Variants in ADGRE2 observed in about 807,000 individuals in gnomAD.
ADGRE2 encodes adhesion G protein-coupled receptor E2.
ADGRE2 carries 83 observed loss-of-function variants against 100.8 expected under a neutral mutation model. The ratio of observed to expected loss-of-function variants is 0.82; its 90% CI spans 0.69 to 0.99. ADGRE2 has a LOEUF of 0.99. ADGRE2 is among the 50% of genes least tolerant of loss of function. The pLI is 0.00. For missense variants in ADGRE2, 814 were observed against 1,035.7 expected, an observed-to-expected ratio of 0.79 and a Z score of 2.94; for synonymous variants, 355 against 413.0, an observed-to-expected ratio of 0.86 and a Z score of 1.70.
chr19:14,777,074 T>G (rs2044472884), intron 1 of ADGRE2, 147 bp from the exon 2 acceptor site: 2 of 1,209,856 alleles, frequency 1.7e-6, no homozygotes, highest in East Asian at 4.9e-5. Flanking sequence ...CTGCTGGAGT[T>G]TCCACCATGT....
intron 16 of ADGRE2, among the ~76,000 whole-genome samples, chr19:14,749,272 C>T (rs1197855433): frequency 2.1e-5 from 3 of 143,474 alleles, no homozygotes; most frequent in African/African-American, 7.6e-5. Context: ...ATTAAGGAAG[C>T]ATATAATTAT....
downstream of ADGRE2, chr19:14,731,393 T>G (rs1370521456): frequency 8.5e-6 from 5 of 587,400 alleles, no homozygotes; most frequent in African/African-American, 1.9e-5. Context: ...CTTAGTCACA[T>G]ACTTCTGGCT....
chr19:14,743,918 T>G (rs143963164), intron 18 of ADGRE2, 134 bp from the exon 19 acceptor site: 2 of 846,830 alleles, frequency 2.4e-6, no homozygotes, highest in Non-Finnish European at 3.6e-6. Flanking sequence ...AGCTTAGATA[T>G]TTACTGTCAA....
chr19:14,764,526 T>G lies in ADGRE2; in HGVS notation c.991A>C (p.Ser331Arg). The change falls in exon 11 of 21, where the codon AGT becomes CGT. Residue 331 changes from serine (S) to arginine (R), a missense_variant. Coordinates refer to ENST00000315576, the MANE Select transcript of ADGRE2 (RefSeq NM_013447.4). ...LPRLQQHCVASHLLDGLEDVL... is the reference protein window; with the variant it reads ...LPRLQQHCVARHLLDGLEDVL... The stretch of plus-strand genomic sequence containing the variant: ...TCCTCTAGGCCATCCAGCAGGTGAC[T>G]GGCCACACAGTGCTGCTGTAAGCGG... 1 of 1,613,092 alleles carries G rather than the reference T, an allele frequency of 6.2e-7. No homozygotes were observed. The highest frequency in any genetic ancestry group is 8.5e-7 in the Non-Finnish European group (1 of 1,179,980).
chr19:14,749,133 T>C (rs2043181632), intron 16 of ADGRE2, among the ~76,000 whole-genome samples: 1 of 150,080 alleles, frequency 6.7e-6, no homozygotes, highest in African/African-American at 2.4e-5. Context: ...AACCATATAA[T>C]ATTCCCCAGG....
At chr19:14,746,660 G>T (rs532321201) in intron 17 of ADGRE2, among the ~76,000 whole-genome samples, 1 of 152,266 alleles carries the variant, frequency 6.6e-6, no homozygotes, top group East Asian at 1.9e-4. Context: ...ACCACACCGG[G>T]CCTGAAGCCC....
At chr19:14,757,276 A>G (rs2043534227) in intron 11 of ADGRE2, among the ~76,000 whole-genome samples, 1 of 152,192 alleles carries the variant, frequency 6.6e-6, no homozygotes. Flanking sequence ...AAGACTTTCT[A>G]TTGTTAAGAT....
chr19:14,777,230 G>T, intron 1 of ADGRE2: 1 of 341,540 alleles, frequency 2.9e-6, no homozygotes, highest in Non-Finnish European at 4.1e-6. Context: ...AAATAGCTCT[G>T]GGCTCCCACT....
rs749648162 is a variant in ADGRE2, at chr19:14,766,301, G to A, written c.568C>T (p.Arg190Cys). 16 of 1,613,940 alleles carry A rather than the reference G, an allele frequency of 9.9e-6. No individual in the cohort carries two copies. The highest frequency in any genetic ancestry group is 2.7e-5 in the African/African-American group (2 of 74,902). Reference protein sequence around the residue: ...CLNNVGSYQCRCRPGWQPIPG... With the variant: ...CLNNVGSYQCCCRPGWQPIPG... ...ATCGGTTGCCAGCCCGGGCGGCAGC[G>A]GCACTGATAGCTGCCCACGTTGTTG... is the stretch of plus-strand genomic sequence containing the variant. Residue 190 changes from arginine to cysteine, a missense_variant, in exon 7 of 21, where the codon CGC (arginine) becomes TGC (cysteine). Physicochemically the swap from Arg to Cys is radical, Grantham distance 180. This residue lies in a region of ADGRE2 where 69 missense variants were observed against 75.3 expected (regional missense o/e 0.92). Transcript: ENST00000315576.
chr19:14,757,038 C>T (rs1054012069), intron 11 of ADGRE2, among the ~76,000 whole-genome samples: 11 of 151,916 alleles, frequency 7.2e-5, no homozygotes, highest in Non-Finnish European at 1.3e-4. Flanking sequence ...AAGTAGCTGG[C>T]ACTACAGGTG....
intron 14 of ADGRE2, among the ~76,000 whole-genome samples, chr19:14,753,052 G>C (rs1358037841): frequency 6.6e-6 from 1 of 150,826 alleles, no homozygotes; most frequent in Admixed American, 6.6e-5. Context: ...TTACAGTCGT[G>C]AGCCACCACA....
the ADGRE2 span, among the ~76,000 whole-genome samples, chr19:14,726,746 A>G: frequency 6.6e-6 from 1 of 152,182 alleles, no homozygotes; most frequent in Non-Finnish European, 1.5e-5. Context: ...CCTTTGCTCC[A>G]GTTCCCAGTA....
intron 11 of ADGRE2, among the ~76,000 whole-genome samples, chr19:14,763,588 C>T (rs1270978917): frequency 1.3e-5 from 2 of 148,554 alleles, no homozygotes; most frequent in Non-Finnish European, 3.0e-5. Flanking sequence ...TCTATTCTTC[C>T]TTCTTCCTCT....
intron 2 of ADGRE2, among the ~76,000 whole-genome samples, chr19:14,774,690 T>TTTCTTTC (rs1568630374): frequency 1.1e-4 from 5 of 46,538 alleles, no homozygotes; most frequent in Admixed American, 2.6e-4. Context: ...TTCTTTCTTT[T>TTTCTTTC]TGAGACAGGG....
chr19:14,744,612 G>A (rs1275164589), intron 18 of ADGRE2, among the ~76,000 whole-genome samples: 1 of 151,752 alleles, frequency 6.6e-6, no homozygotes, highest in Admixed American at 6.6e-5. Flanking sequence ...CCACCACCAT[G>A]CCTGGCTAAT....
Position 14,746,329 on chromosome 19 carries a change from G to T in ADGRE2, c.2092-6C>A. 2.0e-6 allele frequency: 3 copies of T among 1,487,342 alleles called. No individual in the cohort carries two copies. The highest frequency in any genetic ancestry group is 1.9e-6 in the Non-Finnish European group (2 of 1,073,872). 92.1% of individuals were successfully genotyped at this position (1,487,342 alleles called of 1,614,324 possible). A position where few individuals can be genotyped will look rare whatever the true frequency, so the allele number is the denominator to read the frequency against. On this transcript the variant is annotated splice_region_variant and splice_polypyrimidine_tract_variant and intron_variant, in intron 17 of 20. Transcript: ENST00000315576. ...AGAAAGAGAACTAAATTCACCTTCAGAAAACCACAGAAGATTTGTTGAATA... is the reference window on the plus strand; with the variant it reads ...AGAAAGAGAACTAAATTCACCTTCATAAAACCACAGAAGATTTGTTGAATA...
Position 14,765,695 on chromosome 19 carries a change from G to A in ADGRE2, c.744C>T (p.His248=), listed in dbSNP as rs776535410. The A allele has an allele frequency of 3.7e-5, 60 of 1,613,028 alleles. No homozygotes were observed. The highest frequency in any genetic ancestry group is 6.7e-5 in the African/African-American group (5 of 74,946). The part of the protein sequence containing the change: ...CRCRPGWKPR[H]GIPNNQKDTV... ...TGTCCTTTTGGTTATTCGGGATTCC[G>A]TGTCTGGGCTTCCAGCCTGGGCGGC... The change falls in exon 8 of 21, where the codon CAC becomes CAT. Residue 248 remains histidine, a synonymous_variant. Transcript: ENST00000315576.
rs2038187882 is a variant in ADGRE2, at chr19:14,754,313, CTCTCTATATA to C, written c.1590+631_1590+640del. On this transcript the variant is annotated intron_variant, in intron 14 of 20. Coordinates refer to ENST00000315576, the MANE Select transcript of ADGRE2 (RefSeq NM_013447.4). ...TATATCTATCTATATATATAGATCT[CTCTCTATATA>C]TCTCTATATATGTATATATTTGAGT... Among the ~76,000 whole-genome samples the C allele has an allele frequency of 2.0e-5, 3 of 148,828 alleles. No homozygotes were observed. The South Asian group carries it at 6.4e-4, about 32-fold the overall frequency.
chr19:14,758,145 C>A (rs2043568048), intron 11 of ADGRE2, among the ~76,000 whole-genome samples: 1 of 152,018 alleles, frequency 6.6e-6, no homozygotes, highest in African/African-American at 2.4e-5. Context: ...ATTGCACATG[C>A]AACAAAAGAA....
Sources: allele counts gnomAD v4.1 joint callset (sites outside exome capture counted in the v4.1 genomes callset), GRCh38; gene constraint gnomAD v4.1.1; regional missense constraint gnomAD v4.1.1; transcripts MANE v1.5; gene names NCBI Gene and HGNC (gene_info 2026-07-23, HGNC 2026-07-21).